The following EYA2 variants were observed in gnomAD, a reference collection of about 807,000 sequenced individuals.
The protein encoded by EYA2 is EYA transcriptional coactivator and phosphatase 2.
In EYA2, 31 loss-of-function variants were observed where a neutral mutation model predicts 69.2. That is an observed-to-expected ratio of 0.45 (90% CI 0.34 to 0.60). The LOEUF (loss-of-function observed/expected upper bound fraction) is 0.60. EYA2 is among the 20% of genes least tolerant of loss of function. The probability of loss-of-function intolerance (pLI) is 0.02; values close to 1 mark genes in which losing one functional copy is unlikely to be tolerated. For synonymous variants in EYA2, 257 were observed against 279.4 expected (o/e 0.92, Z 0.80); for missense variants, 622 against 701.2 (o/e 0.89, Z 1.28).
intron 8 of EYA2, among the ~76,000 whole-genome samples, chr20:47,092,675 G>C (rs895634694): frequency 6.6e-6 from 1 of 152,196 alleles, no homozygotes; most frequent in Non-Finnish European, 1.5e-5. Context: ...TGGCATAGAA[G>C]TCAGGGATTA....
intron 2 of EYA2, among the ~76,000 whole-genome samples, chr20:46,993,370 G>A (rs1191830827): frequency 6.6e-6 from 1 of 151,312 alleles, no homozygotes; most frequent in East Asian, 1.9e-4. Flanking sequence ...CCAGCCCCTG[G>A]CCCCTTTTCC....
At chr20:47,071,530 C>G (rs2031314982) in intron 5 of EYA2, among the ~76,000 whole-genome samples, 1 of 152,008 alleles carries the variant, frequency 6.6e-6, no homozygotes, top group African/African-American at 2.4e-5. Flanking sequence ...AAGTGATCCT[C>G]CCACCTCAGC....
At chr20:46,915,389 C>T (rs1984856676) in intron 1 of EYA2, among the ~76,000 whole-genome samples, 1 of 152,194 alleles carries the variant, frequency 6.6e-6, no homozygotes, top group African/African-American at 2.4e-5. Flanking sequence ...ATTCTTTCCA[C>T]TTAGTGCTTT....
chr20:46,924,437 G>A (rs1156434236), intron 1 of EYA2, among the ~76,000 whole-genome samples: 7 of 152,128 alleles, frequency 4.6e-5, no homozygotes, highest in Non-Finnish European at 8.8e-5. Context: ...TTGGGAGGCC[G>A]AGGTGGGTGG....
intron 9 of EYA2, among the ~76,000 whole-genome samples, chr20:47,125,452 C>T (rs2033163408): frequency 6.6e-6 from 1 of 152,090 alleles, no homozygotes; most frequent in East Asian, 1.9e-4. Flanking sequence ...TTTAACTTTA[C>T]TGTTTAAACA....
chr20:47,078,582 C>A (rs1390317888), intron 7 of EYA2, among the ~76,000 whole-genome samples: 1 of 152,202 alleles, frequency 6.6e-6, no homozygotes, highest in South Asian at 2.1e-4. Context: ...CATTGACATG[C>A]ATTAATGTGT....
chr20:46,930,371 A>G (rs937326867), intron 1 of EYA2, among the ~76,000 whole-genome samples: 2 of 152,220 alleles, frequency 1.3e-5, no homozygotes, highest in African/African-American at 4.8e-5. Context: ...ATCCCATCTT[A>G]GGGATGAGGA....
intron 1 of EYA2, among the ~76,000 whole-genome samples, chr20:46,907,776 T>C (rs536300032): frequency 2.6e-5 from 4 of 151,942 alleles, no homozygotes; most frequent in African/African-American, 9.7e-5. Flanking sequence ...GAGGTGGAGG[T>C]TGCAGTGAGC....
intron 8 of EYA2, among the ~76,000 whole-genome samples, chr20:47,092,830 C>G (rs1373749409): frequency 6.6e-6 from 1 of 152,138 alleles, no homozygotes; most frequent in East Asian, 1.9e-4. Context: ...CCTCTTAAGT[C>G]TTTGGCTGTT....
intron 1 of EYA2, among the ~76,000 whole-genome samples, chr20:46,987,576 C>T (rs1981313975): frequency 6.6e-6 from 1 of 152,058 alleles, no homozygotes; most frequent in Non-Finnish European, 1.5e-5. Context: ...GCATCTGTGT[C>T]CATTAACAGT....
At chr20:47,024,573 A>G (rs4809614) in intron 5 of EYA2, among the ~76,000 whole-genome samples, 100,229 of 152,140 alleles carry the variant, frequency 0.66, 35,536 homozygotes, top group Non-Finnish European at 0.8. Flanking sequence ...CGCTCCCAGC[A>G]CAACTTTCTT....
chr20:46,983,331 G>T (rs1568702731), intron 1 of EYA2, among the ~76,000 whole-genome samples: 2 of 152,146 alleles, frequency 1.3e-5, no homozygotes, highest in African/African-American at 4.8e-5. Flanking sequence ...CAAAAGAAAA[G>T]TTTTTCTGCT....
chr20:47,057,108 GAGGGAGGGA>G, intron 5 of EYA2, among the ~76,000 whole-genome samples: 1 of 136,534 alleles, frequency 7.3e-6, no homozygotes, highest in African/African-American at 2.7e-5. Flanking sequence ...AGGAGGGAGG[GAGGGAGGGA>G]AGGAAGAAGA....
At chr20:47,183,192 G>A (rs903478309) in intron 14 of EYA2, 99 bp from the exon 15 acceptor site, 45 of 1,076,248 alleles carry the variant, frequency 4.2e-5, no homozygotes, top group Non-Finnish European at 6.2e-5. Flanking sequence ...CGGGCCTTTG[G>A]GAGCACAGCT....
chr20:47,162,730 G>T (rs1347724078), intron 10 of EYA2, among the ~76,000 whole-genome samples: 1 of 151,884 alleles, frequency 6.6e-6, no homozygotes, highest in Non-Finnish European at 1.5e-5. Context: ...TGTTGTCCAG[G>T]CTGGTCTCAA....
At chr20:47,139,157 A>G (rs753648765) in intron 9 of EYA2, among the ~76,000 whole-genome samples, 8 of 152,220 alleles carry the variant, frequency 5.3e-5, no homozygotes, top group African/African-American at 9.6e-5. Flanking sequence ...TTTACTAACA[A>G]TTCTGTAATG....
chr20:47,118,500 A>G, intron 9 of EYA2, among the ~76,000 whole-genome samples: 1 of 986 alleles, frequency 1.0e-3, no homozygotes, highest in East Asian at 0.025. Flanking sequence ...GGTGAATGAC[A>G]TTGTTTGAGG....
intron 1 of EYA2, among the ~76,000 whole-genome samples, chr20:46,966,292 T>C (rs946859793): frequency 9.9e-5 from 15 of 152,132 alleles, no homozygotes; most frequent in African/African-American, 3.6e-4. Context: ...CAGCATACCG[T>C]TCATTCATTT....
chr20:47,116,744 T>C (rs1284423161), intron 9 of EYA2, among the ~76,000 whole-genome samples: 1 of 151,980 alleles, frequency 6.6e-6, no homozygotes, highest in Non-Finnish European at 1.5e-5. Context: ...TGAGATCACC[T>C]CCCAGAAAAA....
Sources: allele counts gnomAD v4.1 joint callset (sites outside exome capture counted in the v4.1 genomes callset), GRCh38; gene constraint gnomAD v4.1.1; transcripts MANE v1.5; gene names NCBI Gene and HGNC (gene_info 2026-07-23, HGNC 2026-07-21).